The following SHANK2 variants were observed in gnomAD, a reference collection of about 807,000 sequenced individuals.
SHANK2 encodes the protein SH3 and multiple ankyrin repeat domains protein 2.
A neutral mutation model predicts 133.7 loss-of-function variants in SHANK2; 43 were observed. The ratio of observed to expected loss-of-function variants is 0.32; its 90% confidence interval spans 0.25 to 0.41. SHANK2 has a LOEUF of 0.41. SHANK2 is among the 10% of genes least tolerant of loss of function. SHANK2 has a pLI of 1.00. For missense variants in SHANK2, 1,994 were observed against 2,235.8 expected, an observed-to-expected ratio of 0.89 and a Z score of 2.18; for synonymous variants, 1,017 against 952.8, an observed-to-expected ratio of 1.07 and a Z score of -1.24.
At chr11:70,857,583 G>A (rs1410367366) in intron 11 of SHANK2, among the ~76,000 whole-genome samples, 3 of 152,070 alleles carry the variant, frequency 2.0e-5, no homozygotes, top group African/African-American at 7.2e-5. Context: ...AAGCCCTTGG[G>A]CAGTGCCCAA....
intron 17 of SHANK2, chr11:70,635,045 A>G (rs1185415274): frequency 2.0e-5 from 3 of 152,236 alleles, no homozygotes; most frequent in African/African-American, 7.2e-5. Flanking sequence ...ATCCTAAAAC[A>G]GAAAGTAATG....
chr11:70,824,543 C>T (rs1036516891), intron 11 of SHANK2, among the ~76,000 whole-genome samples: 3 of 152,170 alleles, frequency 2.0e-5, no homozygotes, highest in Non-Finnish European at 2.9e-5. Context: ...CGGCACTCTC[C>T]GTGGACATCT....
At chr11:70,911,434 G>A (rs572317497) in intron 10 of SHANK2, among the ~76,000 whole-genome samples, 5 of 152,256 alleles carry the variant, frequency 3.3e-5, no homozygotes, top group African/African-American at 1.2e-4. Flanking sequence ...AGCATTCCAT[G>A]CCCTAGTTAC....
At chr11:70,794,671 C>T (rs1947870203) in intron 14 of SHANK2, among the ~76,000 whole-genome samples, 1 of 152,190 alleles carries the variant, frequency 6.6e-6, no homozygotes, top group African/African-American at 2.4e-5. Context: ...GATTCTTATG[C>T]CTCGGCCTCC....
intron 17 of SHANK2, among the ~76,000 whole-genome samples, chr11:70,626,495 G>A (rs2060907309): frequency 6.6e-6 from 1 of 152,180 alleles, no homozygotes; most frequent in South Asian, 2.1e-4. Context: ...CAGGTGGCAA[G>A]CTTTACGCCA....
chr11:70,673,970 G>T (rs1198763123), intron 15 of SHANK2, among the ~76,000 whole-genome samples: 2 of 152,242 alleles, frequency 1.3e-5, no homozygotes, highest in Non-Finnish European at 2.9e-5. Context: ...TGTTGTTGGT[G>T]GGGCCTGGTG....
At chr11:71,073,136 C>CTTTTCTTTTTTTTTTTTTTTTTTTT (rs1951164763) in intron 9 of SHANK2, among the ~76,000 whole-genome samples, 4 of 72,336 alleles carry the variant, frequency 5.5e-5, no homozygotes, top group Admixed American at 1.5e-4. Context: ...TGTTTTTTTT[C>CTTTTCTTTTTTTTTTTTTTTTTTTT]TTTTTCTTTT....
At chr11:70,730,157 C>T (rs958913238) in intron 14 of SHANK2, among the ~76,000 whole-genome samples, 10 of 151,704 alleles carry the variant, frequency 6.6e-5, no homozygotes, top group Non-Finnish European at 1.0e-4. Flanking sequence ...TCAATCTTAT[C>T]ATCAATGCTA....
In SHANK2 at chr11:70,953,979, G is replaced by T. The variant is rs551805821; in HGVS notation, c.1108-57412C>A. ...AGGAGAGCCGTGTGTGTATGTGTGT[G>T]TGTGTCTAATAGACAGTCTTACATG... On this transcript the variant is annotated intron_variant, in intron 10 of 25. Coordinates refer to ENST00000601538, the MANE Select transcript of SHANK2 (RefSeq NM_012309.5). Among the ~76,000 whole-genome samples, 5 of 152,344 alleles carry T rather than the reference G, an allele frequency of 3.3e-5. No homozygotes were observed. The East Asian group carries it at 7.7e-4, about 23-fold the overall frequency.
chr11:70,813,691 C>T (rs1379593867), intron 12 of SHANK2, among the ~76,000 whole-genome samples: 2 of 152,062 alleles, frequency 1.3e-5, no homozygotes, highest in Admixed American at 6.6e-5. Flanking sequence ...AAGCCCTTAG[C>T]GTCTGTCAAA....
intron 9 of SHANK2, among the ~76,000 whole-genome samples, chr11:71,062,963 T>C (rs1452949403): frequency 0.47 from 65,332 of 139,900 alleles, 14,953 homozygotes; most frequent in African/African-American, 0.51. Context: ...TGCCACTGCA[T>C]TCCAGCCTGG....
intron 2 of SHANK2, among the ~76,000 whole-genome samples, chr11:71,214,078 C>T (rs1365753777): frequency 6.6e-6 from 1 of 152,218 alleles, no homozygotes; most frequent in Non-Finnish European, 1.5e-5. Context: ...AGTGACTCAC[C>T]TGGCCTGGCC....
At chr11:70,515,077 G>C (rs1554969763) in intron 17 of SHANK2, among the ~76,000 whole-genome samples, 1 of 152,248 alleles carries the variant, frequency 6.6e-6, no homozygotes, top group Non-Finnish European at 1.5e-5. Context: ...GTCTTGCTCT[G>C]TCGCCCAGGC....
intron 8 of SHANK2, among the ~76,000 whole-genome samples, chr11:71,086,843 A>G (rs1250787884): frequency 6.6e-6 from 1 of 152,138 alleles, no homozygotes; most frequent in African/African-American, 2.4e-5. Context: ...TTATCATCTG[A>G]TAGGCACAAG....
At chr11:70,475,439 C>T (rs1166444590) in intron 25 of SHANK2, among the ~76,000 whole-genome samples, 3 of 152,218 alleles carry the variant, frequency 2.0e-5, no homozygotes, top group African/African-American at 7.2e-5. Flanking sequence ...AGACGGGCCC[C>T]GCTGCTGGTC....
chr11:71,108,458 C>T (rs1424329124), intron 6 of SHANK2, among the ~76,000 whole-genome samples: 1 of 152,142 alleles, frequency 6.6e-6, no homozygotes, highest in Non-Finnish European at 1.5e-5. Flanking sequence ...TGCCCTACTA[C>T]CCACCCCTGC....
At chr11:70,527,903 G>A (rs1413725111) in intron 17 of SHANK2, among the ~76,000 whole-genome samples, 1 of 152,248 alleles carries the variant, frequency 6.6e-6, no homozygotes, top group Non-Finnish European at 1.5e-5. Flanking sequence ...CCTTCACCGG[G>A]CGACCCAGAC....
chr11:71,186,689 C>T (rs556973509), intron 2 of SHANK2, among the ~76,000 whole-genome samples: 5 of 152,354 alleles, frequency 3.3e-5, no homozygotes, highest in Admixed American at 2.0e-4. Context: ...GAAGTTCCCT[C>T]CAAAGTGGAG....
At chr11:70,680,959 C>A (rs1555018257) in intron 15 of SHANK2, among the ~76,000 whole-genome samples, 1 of 152,194 alleles carries the variant, frequency 6.6e-6, no homozygotes, top group Non-Finnish European at 1.5e-5. Context: ...GTAAATCACA[C>A]TCTCCCTGGG....
Sources: allele counts gnomAD v4.1 joint callset (sites outside exome capture counted in the v4.1 genomes callset), GRCh38; gene constraint gnomAD v4.1.1; transcripts MANE v1.5; gene names NCBI Gene and HGNC (gene_info 2026-07-23, HGNC 2026-07-21).